The following MED13 variants were observed in gnomAD, a reference collection of about 807,000 sequenced individuals.
MED13 encodes mediator of RNA polymerase II transcription subunit 13.
In MED13, 23 loss-of-function variants were observed where a neutral mutation model predicts 225.2. The observed-to-expected ratio is 0.10, with a 90% CI of 0.07 to 0.14. The LOEUF (loss-of-function observed/expected upper bound fraction) is 0.14, where lower values mean the gene tolerates loss of function less well. Ranked by LOEUF, MED13 falls within the 10% of genes least tolerant of loss-of-function variation. The pLI is 1.00. For synonymous variants in MED13, 942 were observed against 889.2 expected, an observed-to-expected ratio of 1.06 and a Z score of -1.06; for missense variants, 2,197 against 2,594.5, an observed-to-expected ratio of 0.85 and a Z score of 3.33.
chr17:62,046,228 T>TA (rs1406960445), intron 3 of MED13, among the ~76,000 whole-genome samples: 1 of 152,178 alleles, frequency 6.6e-6, no homozygotes, highest in Non-Finnish European at 1.5e-5. Flanking sequence ...AGTAATAACT[T>TA]AAAGATAGAC....
At chr17:61,963,181 G>C (rs911113959) in intron 20 of MED13, among the ~76,000 whole-genome samples, 1 of 100,784 alleles carries the variant, frequency 9.9e-6, no homozygotes, top group African/African-American at 3.9e-5. Flanking sequence ...CTTGCCTTAA[G>C]AGGTCTTGCC....
intron 22 of MED13, 56 bp downstream of exon 22, chr17:61,961,519 CAAAAAAAAAAAAA>C (rs56723756): frequency 4.1e-6 from 3 of 730,562 alleles, no homozygotes; most frequent in Non-Finnish European, 5.8e-6. Flanking sequence ...GGCTCCATCT[CAAAAAAAAAAAAA>C]AAAAAAAAAG....
At chr17:61,988,153 G>GTCC (rs2080264549) in intron 11 of MED13, among the ~76,000 whole-genome samples, 1 of 152,108 alleles carries the variant, frequency 6.6e-6, no homozygotes, top group South Asian at 2.1e-4. Flanking sequence ...CTAACAGTAT[G>GTCC]ACCCTCGACA....
chr17:62,053,873 A>G (rs144075282), intron 2 of MED13, among the ~76,000 whole-genome samples: 3 of 152,260 alleles, frequency 2.0e-5, no homozygotes, highest in Non-Finnish European at 2.9e-5. Context: ...TAGAATAAAC[A>G]TTAACTAAAA....
At chr17:62,011,334 T>A (rs2080507158) in intron 8 of MED13, 101 bp from the exon 9 acceptor site, 1 of 965,118 alleles carries the variant, frequency 1.0e-6, no homozygotes. Flanking sequence ...CATTTCTTTT[T>A]CACATGTAAT....
chr17:62,064,827 G>A (rs2081068280), intron 1 of MED13, among the ~76,000 whole-genome samples: 1 of 152,206 alleles, frequency 6.6e-6, no homozygotes, highest in South Asian at 2.1e-4. Flanking sequence ...AAAAGCAACA[G>A]TTAAGCAAGA....
chr17:62,063,323 G>A (rs1603410975), intron 1 of MED13, 22 bp from the exon 2 acceptor site: 2 of 1,508,168 alleles, frequency 1.3e-6, no homozygotes, highest in Non-Finnish European at 9.2e-7. Flanking sequence ...AAAGCATTAA[G>A]TTTTATTACT....
At chr17:62,002,489 CAAAAAA>C (rs35736875) in intron 9 of MED13, among the ~76,000 whole-genome samples, 1 of 50,638 alleles carries the variant, frequency 2.0e-5, no homozygotes, top group Non-Finnish European at 5.1e-5. Flanking sequence ...AACTCCATCT[CAAAAAA>C]AAAAAAAAAA....
chr17:61,972,234 A>G (rs2143408114), intron 17 of MED13, among the ~76,000 whole-genome samples: 1 of 152,266 alleles, frequency 6.6e-6, no homozygotes, highest in South Asian at 2.1e-4. Context: ...TTTTCATCAC[A>G]GCTGACAATA....
intron 3 of MED13, among the ~76,000 whole-genome samples, chr17:62,047,067 G>C (rs1483326860): frequency 6.6e-6 from 1 of 150,430 alleles, no homozygotes; most frequent in East Asian, 2.0e-4. Context: ...GGGGTCTGCA[G>C]CCATAAAAAA....
At chr17:62,004,174 C>T (rs541648782) in intron 9 of MED13, 85 of 152,246 alleles carry the variant, frequency 5.6e-4, no homozygotes, top group African/African-American at 2.0e-3. Flanking sequence ...TTCATTCACC[C>T]AAACATTTGC....
intron 9 of MED13, 167 bp downstream of exon 9, chr17:62,010,380 TGAA>T (rs1263904138): frequency 6.9e-6 from 3 of 432,796 alleles, no homozygotes; most frequent in Non-Finnish European, 1.2e-5. Flanking sequence ...TATTTCATAA[TGAA>T]GAAGTTCCCT....
Position 61,968,214 on chromosome 17 carries a change from A to C in MED13, c.4012T>G (p.Leu1338Val). Residue 1338 changes from leucine (L) to valine (V), a missense_variant, in exon 18 of 30, where the codon TTG becomes GTG. Physicochemically the swap from Leu to Val is conservative, Grantham distance 32. Transcript: ENST00000397786. ...PEPLPIPTFL[L>V]GYDYDYLVLS... ...ACCAGATAATCATAATCATAACCCA[A>C]CAAAAATGTGGGGATTGGCAGTGGT... 1.2e-6 allele frequency: 2 copies of C among 1,614,064 alleles called. No individual in the cohort carries two copies. Among genetic ancestry groups the C allele is most frequent in the Non-Finnish European group, 1.7e-6 (2 of 1,179,962 alleles).
In MED13 at chr17:61,944,609, GA is replaced by G. The variant is rs1316385665; in HGVS notation, c.*1858del. 6 of 151,922 alleles carry G rather than the reference GA, an allele frequency of 3.9e-5. No homozygotes were observed. Among genetic ancestry groups the G allele is most frequent in the Admixed American group, 3.9e-4 (6 of 15,250 alleles). 9.4% of individuals were successfully genotyped at this position (151,922 alleles called of 1,614,324 possible). On this transcript the variant is annotated 3_prime_UTR_variant, in exon 30 of 30. Transcript: ENST00000397786. Reference sequence around the variant, plus strand: ...AATGTTTTCATATACACAATCTGAAGAAGTTATGTTGTTCATAAGAAAGTGA... The same window carrying G: ...AATGTTTTCATATACACAATCTGAAGAGTTATGTTGTTCATAAGAAAGTGA...
At chr17:61,993,287 C>T (rs190662315) in intron 10 of MED13, among the ~76,000 whole-genome samples, 83 of 148,478 alleles carry the variant, frequency 5.6e-4, no homozygotes, top group Middle Eastern at 7.1e-3. Context: ...CTGCAACCTC[C>T]CCCTCCTGGG....
At chr17:62,038,840 T>C (rs900235122) in intron 3 of MED13, among the ~76,000 whole-genome samples, 13 of 149,042 alleles carry the variant, frequency 8.7e-5, no homozygotes, top group African/African-American at 2.6e-4. Flanking sequence ...ATTTTTTTTT[T>C]CCCCCTAGGG....
chr17:61,997,224 A>G (rs2080354556), intron 9 of MED13, among the ~76,000 whole-genome samples: 1 of 152,216 alleles, frequency 6.6e-6, no homozygotes, highest in South Asian at 2.1e-4. Flanking sequence ...ATCAAAACAA[A>G]AACTGATTTC....
At chr17:61,959,649 T>C (rs1204459523) in intron 23 of MED13, among the ~76,000 whole-genome samples, 3 of 152,100 alleles carry the variant, frequency 2.0e-5, no homozygotes, top group Admixed American at 6.5e-5. Context: ...ATTAGATATT[T>C]CTGCATATAT....
intron 3 of MED13, among the ~76,000 whole-genome samples, chr17:62,050,568 A>G (rs1256485739): frequency 1.3e-5 from 2 of 152,192 alleles, no homozygotes; most frequent in African/African-American, 4.8e-5. Context: ...ATGTCTTTCA[A>G]AATTTTTAAA....
Sources: allele counts gnomAD v4.1 joint callset (sites outside exome capture counted in the v4.1 genomes callset), GRCh38; gene constraint gnomAD v4.1.1; transcripts MANE v1.5; gene names NCBI Gene and HGNC (gene_info 2026-07-23, HGNC 2026-07-21).